CDH4: variants seen among roughly 807,000 people sequenced by gnomAD.
CDH4 encodes cadherin 4.
A neutral mutation model predicts 86.0 loss-of-function variants in CDH4; 33 were observed. The ratio of observed to expected loss-of-function variants is 0.38; its 90% CI spans 0.29 to 0.51. The LOEUF is 0.51. CDH4 is among the 20% of genes least tolerant of loss of function. The pLI is 0.86. For missense variants in CDH4, 1,114 were observed against 1,307.4 expected (o/e 0.85, Z 2.28); for synonymous variants, 555 against 549.4 (o/e 1.01, Z -0.14).
chr20:61,838,859 GAA>G (rs59393566), intron 4 of CDH4, among the ~76,000 whole-genome samples: 5 of 146,796 alleles, frequency 3.4e-5, no homozygotes, highest in Admixed American at 1.4e-4. Context: ...AAAGGAAAAG[GAA>G]AAAAAAAAGA....
intron 2 of CDH4, among the ~76,000 whole-genome samples, chr20:61,468,926 A>G (rs918093908): frequency 6.6e-6 from 1 of 152,196 alleles, no homozygotes; most frequent in Non-Finnish European, 1.5e-5. Context: ...TCCATCGTGT[A>G]TAGGTACCAC....
chr20:61,874,451 C>A (rs768931542), intron 7 of CDH4, among the ~76,000 whole-genome samples: 1 of 152,198 alleles, frequency 6.6e-6, no homozygotes, highest in Non-Finnish European at 1.5e-5. Context: ...CACTGTCCTG[C>A]GGTCCTACGA....
chr20:61,652,936 TTA>T (rs33940167), intron 2 of CDH4, among the ~76,000 whole-genome samples: 2 of 119,056 alleles, frequency 1.7e-5, no homozygotes, highest in African/African-American at 2.8e-5. Flanking sequence ...ATTTATTTAT[TTA>T]TTTTTTTTTT....
intron 7 of CDH4, among the ~76,000 whole-genome samples, chr20:61,887,684 C>T (rs949168718): frequency 2.0e-5 from 3 of 152,208 alleles, no homozygotes; most frequent in Non-Finnish European, 2.9e-5. Context: ...GAAATGGAGA[C>T]TTGGAGAATG....
At position 61,516,975 on chromosome 20, in the gene CDH4, G is replaced by A. The variant is rs150972959; in HGVS notation, c.170-226588G>A. Among the ~76,000 whole-genome samples, 649 of 152,156 alleles carry A rather than the reference G, an allele frequency of 4.3e-3. 4 individuals carry two copies. Among genetic ancestry groups the A allele is most frequent in the South Asian group, 0.017 (80 of 4,808 alleles). On this transcript the variant is annotated intron_variant, in intron 2 of 15. Transcript: ENST00000614565. This position sits in a 1 kb window ranked among gnomAD's most constrained non-coding sequence, Gnocchi z 4.0. The stretch of plus-strand genomic sequence containing the variant: ...TTCAATGTATTGGGATGTCATGCAC[G>A]CCCTGAAAAATGCAGGCATGATTAG...
chr20:61,651,661 T>C (rs1432998868), intron 2 of CDH4, among the ~76,000 whole-genome samples: 1 of 152,210 alleles, frequency 6.6e-6, no homozygotes, highest in Non-Finnish European at 1.5e-5. Context: ...CTGGTCAGCA[T>C]TGCTGCAGGG....
intron 2 of CDH4, among the ~76,000 whole-genome samples, chr20:61,265,046 C>G: frequency 1.3e-5 from 2 of 151,368 alleles, no homozygotes; most frequent in South Asian, 2.1e-4. Flanking sequence ...TTCAGTCCTA[C>G]ACATACCCCA....
intron 3 of CDH4, among the ~76,000 whole-genome samples, chr20:61,769,055 A>T (rs911650705): frequency 6.6e-6 from 1 of 152,200 alleles, no homozygotes; most frequent in African/African-American, 2.4e-5. Flanking sequence ...GGAGCTGCAG[A>T]TGCCCAGAGG....
At chr20:61,704,930 A>T (rs769134529) in intron 2 of CDH4, among the ~76,000 whole-genome samples, 1 of 152,194 alleles carries the variant, frequency 6.6e-6, no homozygotes, top group Non-Finnish European at 1.5e-5. Context: ...CCAGGGATAT[A>T]GAGTATGGGC....
intron 2 of CDH4, among the ~76,000 whole-genome samples, chr20:61,563,625 C>G (rs913787957): frequency 6.6e-6 from 1 of 152,190 alleles, no homozygotes; most frequent in Non-Finnish European, 1.5e-5. Context: ...GGTCACTCTG[C>G]CAGGCAGCAG....
intron 2 of CDH4, among the ~76,000 whole-genome samples, chr20:61,348,482 G>C (rs1371605218): frequency 6.6e-6 from 1 of 152,124 alleles, no homozygotes; most frequent in Admixed American, 6.5e-5. Context: ...GGGAACTGTT[G>C]CCAGCGGTTC....
chr20:61,796,913 C>T (rs539003081), intron 4 of CDH4, among the ~76,000 whole-genome samples: 10 of 152,348 alleles, frequency 6.6e-5, no homozygotes, highest in South Asian at 2.1e-4. Flanking sequence ...TTAACTTTCA[C>T]GCTGCCTTCC....
intron 2 of CDH4, among the ~76,000 whole-genome samples, chr20:61,564,600 A>G (rs1027684285): frequency 2.0e-5 from 3 of 152,206 alleles, no homozygotes; most frequent in Non-Finnish European, 4.4e-5. Context: ...CACCAGGAGC[A>G]GATGCCAGCA....
At chr20:61,822,648 G>A (rs1426769523) in intron 4 of CDH4, among the ~76,000 whole-genome samples, 1 of 152,190 alleles carries the variant, frequency 6.6e-6, no homozygotes, top group African/African-American at 2.4e-5. Context: ...AGGCACCCCC[G>A]ACGCCCCTGC....
At chr20:61,621,189 G>GT (rs1748448246) in intron 2 of CDH4, among the ~76,000 whole-genome samples, 1 of 152,190 alleles carries the variant, frequency 6.6e-6, no homozygotes, top group Non-Finnish European at 1.5e-5. Flanking sequence ...GAGTGTGCAT[G>GT]TAAGAAAGTC....
chr20:61,522,611 T>G (rs2085878216), intron 2 of CDH4, among the ~76,000 whole-genome samples: 1 of 152,252 alleles, frequency 6.6e-6, no homozygotes, highest in Non-Finnish European at 1.5e-5. Flanking sequence ...ATTAATTGAT[T>G]CATTTTCCCC....
intron 2 of CDH4, among the ~76,000 whole-genome samples, chr20:61,727,562 G>A (rs952469684): frequency 2.6e-5 from 4 of 152,166 alleles, no homozygotes; most frequent in Admixed American, 6.5e-5. Flanking sequence ...AGGTTTAATC[G>A]GCTCACGGTT....
At chr20:61,886,052 C>T (rs970582945) in intron 7 of CDH4, among the ~76,000 whole-genome samples, 8 of 152,218 alleles carry the variant, frequency 5.3e-5, no homozygotes, top group African/African-American at 1.9e-4. Context: ...CAAGCCTGGG[C>T]TACAGGGCCT....
chr20:61,615,674 T>C (rs1470032461), intron 2 of CDH4, among the ~76,000 whole-genome samples: 1 of 152,210 alleles, frequency 6.6e-6, no homozygotes, highest in African/African-American at 2.4e-5. Flanking sequence ...GCCCAGCTAG[T>C]TCTGTGGTTC....
Sources: allele counts gnomAD v4.1 joint callset (sites outside exome capture counted in the v4.1 genomes callset), GRCh38; gene constraint gnomAD v4.1.1; non-coding constraint Gnocchi (gnomAD v3.1); transcripts MANE v1.5; gene names NCBI Gene and HGNC (gene_info 2026-07-23, HGNC 2026-07-21).